CDC42BPA: variants seen among roughly 807,000 people sequenced by gnomAD.
The protein encoded by CDC42BPA is CDC42 binding protein kinase alpha, also known as serine/threonine-protein kinase MRCK alpha.
CDC42BPA carries 80 observed loss-of-function variants against 223.5 expected under a neutral mutation model. The observed-to-expected ratio is 0.36, with a 90% CI of 0.30 to 0.43. The LOEUF is 0.43. Ranked by LOEUF, CDC42BPA falls within the 20% of genes least tolerant of loss-of-function variation. The probability of loss-of-function intolerance (pLI) is 1.00; values close to 1 mark genes in which losing one functional copy is unlikely to be tolerated. For missense variants in CDC42BPA, 1,743 were observed against 2,099.9 expected (o/e 0.83, Z 3.32); for synonymous variants, 694 against 718.6 (o/e 0.97, Z 0.55).
At chr1:227,004,944 C>T (rs761675099) in intron 35 of CDC42BPA, 50 bp downstream of exon 35, 8 of 1,229,050 alleles carry the variant, frequency 6.5e-6, no homozygotes, top group Non-Finnish European at 8.5e-6. Flanking sequence ...GGGGAGGGAG[C>T]TGGGGGTCAC....
At chr1:227,096,864 C>A (rs1459897980) in intron 15 of CDC42BPA, among the ~76,000 whole-genome samples, 1 of 152,166 alleles carries the variant, frequency 6.6e-6, no homozygotes, top group African/African-American at 2.4e-5. Context: ...ACACTTGAAG[C>A]TTTTGTGGCC....
At chr1:227,166,336 A>G (rs1665028349) in intron 5 of CDC42BPA, among the ~76,000 whole-genome samples, 1 of 152,034 alleles carries the variant, frequency 6.6e-6, no homozygotes, top group Non-Finnish European at 1.5e-5. Context: ...TTTAAGTTTT[A>G]TTTTTGTTTT....
At chr1:227,074,228 T>C (rs778747416) in intron 18 of CDC42BPA, 31 bp downstream of exon 18, 12 of 1,499,900 alleles carry the variant, frequency 8.0e-6, no homozygotes, top group Admixed American at 3.5e-5. Context: ...TCTAATATGA[T>C]AAGCCTCCAT....
intron 21 of CDC42BPA, among the ~76,000 whole-genome samples, chr1:227,059,922 T>C (rs1331705106): frequency 6.6e-6 from 1 of 151,896 alleles, no homozygotes; most frequent in African/African-American, 2.4e-5. Flanking sequence ...CAATACTCCA[T>C]CCTGACTCAA....
At chr1:227,019,962 T>C (rs1667068858) in intron 32 of CDC42BPA, among the ~76,000 whole-genome samples, 1 of 152,024 alleles carries the variant, frequency 6.6e-6, no homozygotes, top group Non-Finnish European at 1.5e-5. Flanking sequence ...AACTGCACAA[T>C]CTCAGCTCAC....
At chr1:227,133,067 C>A (rs1292634251) in intron 10 of CDC42BPA, among the ~76,000 whole-genome samples, 1 of 147,818 alleles carries the variant, frequency 6.8e-6, no homozygotes, top group Middle Eastern at 3.2e-3. Context: ...AGGCCAGCCG[C>A]CCCGTCCGGG....
chr1:227,017,246 T>C (rs531173424), intron 32 of CDC42BPA, among the ~76,000 whole-genome samples, 196 bp from the exon 33 acceptor site: 11 of 152,330 alleles, frequency 7.2e-5, no homozygotes, highest in African/African-American at 2.2e-4. Context: ...AAAGTAAACA[T>C]AGCTTACAAA....
chr1:227,122,412 C>T (rs1057230910), intron 11 of CDC42BPA, among the ~76,000 whole-genome samples: 6 of 152,132 alleles, frequency 3.9e-5, no homozygotes, highest in Non-Finnish European at 8.8e-5. Flanking sequence ...AATTTCTCTA[C>T]CATATAAAGT....
At chr1:227,072,009 C>T (rs1218451697) in intron 20 of CDC42BPA, among the ~76,000 whole-genome samples, 199 bp downstream of exon 20, 6 of 151,724 alleles carry the variant, frequency 4.0e-5, no homozygotes, top group Admixed American at 3.9e-4. Context: ...TTAAGTAAAA[C>T]AAAATGACTC....
chr1:227,209,377 G>T (rs1339576066), intron 3 of CDC42BPA, among the ~76,000 whole-genome samples: 3 of 142,446 alleles, frequency 2.1e-5, no homozygotes, highest in Non-Finnish European at 4.6e-5. Flanking sequence ...GCCCTGGCCA[G>T]AACTTCCAAC....
intron 5 of CDC42BPA, among the ~76,000 whole-genome samples, chr1:227,168,733 G>A (rs1389565367): frequency 6.6e-6 from 1 of 151,882 alleles, no homozygotes; most frequent in Non-Finnish European, 1.5e-5. Flanking sequence ...TCCTGACCTC[G>A]TGATCCATCC....
intron 15 of CDC42BPA, among the ~76,000 whole-genome samples, chr1:227,095,451 A>AT (rs35909222): frequency 0.63 from 95,995 of 151,916 alleles, 30,478 homozygotes; most frequent in East Asian, 0.72. Flanking sequence ...ATATATACAC[A>AT]TTATTATTAT....
intron 34 of CDC42BPA, among the ~76,000 whole-genome samples, chr1:227,013,206 G>A (rs1665547799): frequency 6.6e-6 from 1 of 152,030 alleles, no homozygotes; most frequent in East Asian, 1.9e-4. Flanking sequence ...TGCAATGAGA[G>A]GGCAAAAAGT....
At chr1:227,079,789 T>C (rs1050622897) in intron 17 of CDC42BPA, among the ~76,000 whole-genome samples, 2 of 151,896 alleles carry the variant, frequency 1.3e-5, no homozygotes, top group African/African-American at 2.4e-5. Context: ...GATCTATAAA[T>C]ATATGATGAA....
At chr1:227,186,384 C>T (rs1668776913) in intron 5 of CDC42BPA, among the ~76,000 whole-genome samples, 1 of 152,100 alleles carries the variant, frequency 6.6e-6, no homozygotes, top group Non-Finnish European at 1.5e-5. Flanking sequence ...TTAACAGAGC[C>T]TAATCTGTTT....
intron 5 of CDC42BPA, among the ~76,000 whole-genome samples, chr1:227,176,972 AC>A (rs1334337459): frequency 6.9e-6 from 1 of 145,804 alleles, no homozygotes; most frequent in Non-Finnish European, 1.5e-5. Flanking sequence ...TATGCCCCCT[AC>A]TTTTTTTTTT....
At chr1:227,247,508 T>G (rs1181111750) in intron 2 of CDC42BPA, among the ~76,000 whole-genome samples, 1 of 151,056 alleles carries the variant, frequency 6.6e-6, no homozygotes, top group Non-Finnish European at 1.5e-5. Flanking sequence ...AAACAATAGC[T>G]ACTTTGAGGA....
intron 15 of CDC42BPA, among the ~76,000 whole-genome samples, chr1:227,093,347 G>A (rs1683422897): frequency 6.6e-6 from 1 of 152,114 alleles, no homozygotes; most frequent in South Asian, 2.1e-4. Flanking sequence ...TTAGGCTAAG[G>A]GTGTGGATTC....
intron 12 of CDC42BPA, among the ~76,000 whole-genome samples, chr1:227,118,519 C>A (rs1688122799): frequency 6.6e-6 from 1 of 152,070 alleles, no homozygotes; most frequent in Non-Finnish European, 1.5e-5. Flanking sequence ...GCACTATCAT[C>A]TTCTCAAAAT....
Sources: allele counts gnomAD v4.1 joint callset (sites outside exome capture counted in the v4.1 genomes callset), GRCh38; gene constraint gnomAD v4.1.1; transcripts MANE v1.5; gene names NCBI Gene and HGNC (gene_info 2026-07-23, HGNC 2026-07-21).